The following BCL9 variants were observed in gnomAD, a reference collection of about 807,000 sequenced individuals.
BCL9 encodes the protein B-cell CLL/lymphoma 9 protein.
In BCL9, 25 loss-of-function variants were observed where a neutral mutation model predicts 88.5. The ratio of observed to expected loss-of-function variants is 0.28; its 90% CI spans 0.21 to 0.39. The LOEUF (loss-of-function observed/expected upper bound fraction) is 0.39. Among genes scored for constraint, BCL9 ranks in the 10% least tolerant of loss-of-function variants. BCL9 has a pLI of 1.00. For missense variants in BCL9, 1,817 were observed against 1,877.8 expected (o/e 0.97, Z 0.60); for synonymous variants, 711 against 673.3 (o/e 1.06, Z -0.87).
chr1:147,546,553 G>C (rs1292950684), intron 1 of BCL9, among the ~76,000 whole-genome samples: 1 of 152,172 alleles, frequency 6.6e-6, no homozygotes, highest in African/African-American at 2.4e-5. Flanking sequence ...CTCTCAGAAT[G>C]AGGGAATTGG....
intron 1 of BCL9, among the ~76,000 whole-genome samples, chr1:147,589,998 G>T (rs1358950325): frequency 6.6e-6 from 1 of 152,140 alleles, no homozygotes; most frequent in African/African-American, 2.4e-5. Context: ...ACCAACACTT[G>T]CCATTGTCTT....
intron 1 of BCL9, among the ~76,000 whole-genome samples, chr1:147,564,445 G>A (rs1467815597): frequency 2.6e-5 from 4 of 152,042 alleles, no homozygotes; most frequent in Admixed American, 6.6e-5. Flanking sequence ...TGTACTGCCC[G>A]TGAAAGGAAC....
intron 1 of BCL9, among the ~76,000 whole-genome samples, chr1:147,578,575 A>T (rs1255000143): frequency 6.6e-6 from 1 of 152,250 alleles, no homozygotes; most frequent in Non-Finnish European, 1.5e-5. Flanking sequence ...ATTTTGGAGA[A>T]GGGATACTCA....
At chr1:147,588,636 C>T (rs782716291) in intron 1 of BCL9, among the ~76,000 whole-genome samples, 1 of 152,028 alleles carries the variant, frequency 6.6e-6, no homozygotes, top group Non-Finnish European at 1.5e-5. Flanking sequence ...AGGATTTGTC[C>T]CAAATTCAGA....
intron 1 of BCL9, among the ~76,000 whole-genome samples, chr1:147,588,597 C>G (rs890544359): frequency 6.6e-6 from 1 of 151,962 alleles, no homozygotes; most frequent in Non-Finnish European, 1.5e-5. Context: ...ATCCATGGGG[C>G]GGGGTGGGGC....
intron 1 of BCL9, among the ~76,000 whole-genome samples, chr1:147,595,592 A>G (rs893777167): frequency 6.6e-6 from 1 of 152,206 alleles, no homozygotes; most frequent in Non-Finnish European, 1.5e-5. Flanking sequence ...GTTTATGCCT[A>G]TAATACTAAC....
Position 147,620,084 on chromosome 1 carries a change from C to A in BCL9, c.1929C>A (p.Leu643=). The change falls in exon 8 of 10, where the codon CTC becomes CTA. Residue 643 remains leucine (L), a synonymous_variant. Transcript: ENST00000234739. ...QQQLAEKQLG[L]PPGMAMEGIR... The stretch of plus-strand genomic sequence containing the variant: ...AGCTGGCAGAGAAACAGCTGGGTCT[C>A]CCCCCAGGGATGGCCATGGAAGGCA... 1 of 1,614,134 alleles carries A rather than the reference C, an allele frequency of 6.2e-7. No homozygotes were observed. Among genetic ancestry groups the A allele is most frequent in the South Asian group, 1.1e-5 (1 of 91,084 alleles).
intron 3 of BCL9, among the ~76,000 whole-genome samples, chr1:147,608,428 A>G (rs1377283853): frequency 6.9e-6 from 1 of 144,152 alleles, no homozygotes; most frequent in Non-Finnish European, 1.5e-5. Context: ...CAGAGGGGAA[A>G]ATGAGAGCTC....
chr1:147,602,742 G>A (rs1036970197), intron 1 of BCL9, among the ~76,000 whole-genome samples: 2 of 152,226 alleles, frequency 1.3e-5, no homozygotes, highest in African/African-American at 4.8e-5. Context: ...TATAAGGCAA[G>A]TGTATGTCAC....
At chr1:147,554,179 A>G (rs1553195141) in intron 1 of BCL9, among the ~76,000 whole-genome samples, 2 of 152,376 alleles carry the variant, frequency 1.3e-5, no homozygotes, top group South Asian at 2.1e-4. Flanking sequence ...TAATTACAAT[A>G]AAACATTTTA....
chr1:147,621,130 A>G (rs1658617246), intron 8 of BCL9, 73 bp downstream of exon 8: 1 of 1,449,806 alleles, frequency 6.9e-7, no homozygotes, highest in Admixed American at 2.1e-5. Context: ...ACTTTAAGAA[A>G]ACTGGTGTCT....
chr1:147,549,303 T>C (rs1207693825), intron 1 of BCL9, among the ~76,000 whole-genome samples: 4 of 152,190 alleles, frequency 2.6e-5, no homozygotes, highest in African/African-American at 9.7e-5. Context: ...GCCCAGCTTT[T>C]TCCCCCTAAA....
At chr1:147,579,252 C>G (rs1656254519) in intron 1 of BCL9, among the ~76,000 whole-genome samples, 1 of 152,064 alleles carries the variant, frequency 6.6e-6, no homozygotes, top group East Asian at 1.9e-4. Context: ...ATTTTTTTAT[C>G]CAAAAGATGG....
In BCL9 at chr1:147,570,082, G is replaced by A. The variant is rs868919182; in HGVS notation, c.-478+28408G>A. 7.4e-4 allele frequency among the ~76,000 whole-genome samples: 113 copies of A among 152,188 alleles called. 2 individuals are homozygous for A. Among genetic ancestry groups the A allele is most frequent in the Middle Eastern group, 3.2e-3 (1 of 316 alleles). Reference sequence around the variant, plus strand: ...TCTAGCTAGAACTCTAGTTAGTTTCGTCAGGCATTTACTGCTTATTTTCTG... The same window carrying A: ...TCTAGCTAGAACTCTAGTTAGTTTCATCAGGCATTTACTGCTTATTTTCTG... On this transcript the variant is annotated intron_variant, in intron 1 of 9. Coordinates refer to ENST00000234739, the MANE Select transcript of BCL9 (RefSeq NM_004326.4).
At chr1:147,564,105 A>G (rs1655501775) in intron 1 of BCL9, among the ~76,000 whole-genome samples, 1 of 152,120 alleles carries the variant, frequency 6.6e-6, no homozygotes, top group Admixed American at 6.5e-5. Context: ...AAGCTATAGA[A>G]CAGAATCGCG....
chr1:147,590,692 CCA>C (rs1553199806), intron 1 of BCL9, among the ~76,000 whole-genome samples: 1 of 152,174 alleles, frequency 6.6e-6, no homozygotes, highest in East Asian at 1.9e-4. Flanking sequence ...TCTCTGAGCC[CCA>C]GTTTCCTCAT....
chr1:147,606,557 G>T (rs753794982), intron 2 of BCL9, among the ~76,000 whole-genome samples: 1 of 152,204 alleles, frequency 6.6e-6, no homozygotes, highest in South Asian at 2.1e-4. Flanking sequence ...AAAATGTGCA[G>T]TTGGGAAGGA....
At chr1:147,608,775 T>G (rs1242011423) in intron 3 of BCL9, among the ~76,000 whole-genome samples, 1 of 152,162 alleles carries the variant, frequency 6.6e-6, no homozygotes, top group Admixed American at 6.5e-5. Flanking sequence ...AGTGCTTACA[T>G]TATACTGCTG....
At chr1:147,568,272 A>G (rs1655701877) in intron 1 of BCL9, among the ~76,000 whole-genome samples, 1 of 152,176 alleles carries the variant, frequency 6.6e-6, no homozygotes, top group South Asian at 2.1e-4. Context: ...TAGCCTTGAG[A>G]GGCTTTAAAA....
Sources: allele counts gnomAD v4.1 joint callset (sites outside exome capture counted in the v4.1 genomes callset), GRCh38; gene constraint gnomAD v4.1.1; transcripts MANE v1.5; gene names NCBI Gene and HGNC (gene_info 2026-07-23, HGNC 2026-07-21).